BMP6: variants seen among roughly 807,000 people sequenced by gnomAD.
The protein encoded by BMP6 is VG-1-R.
Under a neutral mutation model 54.1 loss-of-function variants are expected in BMP6, and 17 were observed. That is an observed-to-expected ratio of 0.31 (90% CI 0.22 to 0.47). The LOEUF is 0.47. Ranked by LOEUF, BMP6 falls within the 20% of genes least tolerant of loss-of-function variation. BMP6 has a pLI of 1.00. For missense variants in BMP6, 720 were observed against 690.4 expected, an observed-to-expected ratio of 1.04 and a Z score of -0.48; for synonymous variants, 328 against 291.2, an observed-to-expected ratio of 1.13 and a Z score of -1.28.
At chr6:7,770,332 C>T (rs780837400) in intron 1 of BMP6, among the ~76,000 whole-genome samples, 1 of 152,094 alleles carries the variant, frequency 6.6e-6, no homozygotes, top group Non-Finnish European at 1.5e-5. Context: ...AATACTAGGT[C>T]CTGGTGGTTT....
chr6:7,727,703 G>A (rs1761767873), intron 1 of BMP6, 84 bp downstream of exon 1: 1 of 1,368,808 alleles, frequency 7.3e-7, no homozygotes, highest in South Asian at 1.7e-5. Context: ...AGGGGGTGGA[G>A]GAGCTCCCGG....
At chr6:7,796,977 T>C (rs949060114) in intron 1 of BMP6, among the ~76,000 whole-genome samples, 17 of 152,244 alleles carry the variant, frequency 1.1e-4, no homozygotes, top group African/African-American at 4.1e-4. Flanking sequence ...TTTCTGTTTC[T>C]CTTTGTCATG....
chr6:7,740,434 C>T (rs766546964), intron 1 of BMP6, among the ~76,000 whole-genome samples: 2 of 152,042 alleles, frequency 1.3e-5, no homozygotes, highest in Non-Finnish European at 2.9e-5. Context: ...CAAGTGCATT[C>T]GTAGAAAAAT....
chr6:7,842,394 C>T (rs1350697812), intron 1 of BMP6, among the ~76,000 whole-genome samples: 2 of 152,162 alleles, frequency 1.3e-5, no homozygotes, highest in East Asian at 3.9e-4. Context: ...CTCCCACCCA[C>T]CCCCATCTCT....
chr6:7,758,482 AT>A (rs1193848520), intron 1 of BMP6, among the ~76,000 whole-genome samples: 6 of 152,154 alleles, frequency 3.9e-5, no homozygotes, highest in Admixed American at 2.6e-4. Context: ...ACCTGACTAG[AT>A]TTGTGTTTGG....
chr6:7,809,625 T>G (rs1758406255), intron 1 of BMP6, among the ~76,000 whole-genome samples: 1 of 152,196 alleles, frequency 6.6e-6, no homozygotes. Context: ...CTCCTGACCA[T>G]TGACCACATT....
chr6:7,834,017 G>C (rs1182913189), intron 1 of BMP6, among the ~76,000 whole-genome samples: 1 of 152,098 alleles, frequency 6.6e-6, no homozygotes, highest in East Asian at 1.9e-4. Context: ...AAACATAAAA[G>C]TTGGGTTTCT....
At chr6:7,770,362 G>A (rs1390785952) in intron 1 of BMP6, among the ~76,000 whole-genome samples, 1 of 142,572 alleles carries the variant, frequency 7.0e-6, no homozygotes, top group Non-Finnish European at 1.6e-5. Context: ...AATAGTGAAA[G>A]AAAAATCCCT....
intron 1 of BMP6, among the ~76,000 whole-genome samples, chr6:7,751,738 A>C (rs748952378): frequency 5.3e-5 from 8 of 152,354 alleles, no homozygotes; most frequent in Non-Finnish European, 1.0e-4. Context: ...ATGAACTGGC[A>C]ATCAGAAGAT....
intron 1 of BMP6, among the ~76,000 whole-genome samples, chr6:7,758,550 A>G (rs1561761918): frequency 6.6e-6 from 1 of 152,218 alleles, no homozygotes; most frequent in Admixed American, 6.5e-5. Context: ...AACAAGATCA[A>G]CAAAACCCCT....
In BMP6 at chr6:7,779,416, T is replaced by G. The variant is rs147488633; in HGVS notation, c.664+51797T>G. Among the ~76,000 whole-genome samples, 926 of 152,206 alleles carry G rather than the reference T, an allele frequency of 6.1e-3. 7 individuals are homozygous for G. The highest frequency in any genetic ancestry group is 0.022 in the African/African-American group (894 of 41,530). ...TGCAGTGGTGTGATCTTGGCTCACT[T>G]CAACCTCCACCTCCCAGGTTCAAGT... is the stretch of plus-strand genomic sequence containing the variant. On this transcript the variant is annotated intron_variant, in intron 1 of 6. Transcript: ENST00000283147.
chr6:7,869,445 TG>T (rs1759484951), intron 4 of BMP6, among the ~76,000 whole-genome samples: 1 of 152,138 alleles, frequency 6.6e-6, no homozygotes, highest in African/African-American at 2.4e-5. Context: ...ACCCCTGCAT[TG>T]GGGGTATAGG....
chr6:7,868,885 C>T (rs1225039034), intron 4 of BMP6, among the ~76,000 whole-genome samples: 1 of 152,140 alleles, frequency 6.6e-6, no homozygotes, highest in East Asian at 1.9e-4. Context: ...TCCCTCCCCA[C>T]CTCTCTCCCT....
intron 1 of BMP6, among the ~76,000 whole-genome samples, chr6:7,754,945 C>T (rs1757490023): frequency 6.6e-6 from 1 of 152,166 alleles, no homozygotes; most frequent in Admixed American, 6.5e-5. Context: ...ATCTCCATCT[C>T]ATGACCTCGT....
At chr6:7,872,820 T>TC (rs1759550953) in intron 4 of BMP6, among the ~76,000 whole-genome samples, 3 of 150,946 alleles carry the variant, frequency 2.0e-5, no homozygotes, top group South Asian at 4.2e-4. Flanking sequence ...TTTTCTTTTT[T>TC]TTTTTTTTTT....
chr6:7,759,713 TTTTTTTTG>T (rs1361372918), intron 1 of BMP6, among the ~76,000 whole-genome samples: 11 of 136,492 alleles, frequency 8.1e-5, no homozygotes, highest in African/African-American at 2.9e-4. Flanking sequence ...TTTTTTTTTT[TTTTTTTTG>T]GAGACTGAAT....
At chr6:7,830,171 ACTCT>A (rs1001080777) in intron 1 of BMP6, among the ~76,000 whole-genome samples, 7 of 150,918 alleles carry the variant, frequency 4.6e-5, no homozygotes, top group African/African-American at 1.5e-4. Context: ...ATGTGAGCTC[ACTCT>A]CTCCTCTCTC....
At chr6:7,849,570 C>T (rs2113260266) in intron 2 of BMP6, among the ~76,000 whole-genome samples, 1 of 152,264 alleles carries the variant, frequency 6.6e-6, no homozygotes, top group Admixed American at 6.5e-5. Context: ...TGTTCTGTAG[C>T]ACCTTTATAT....
At chr6:7,745,452 T>C (rs1192738549) in intron 1 of BMP6, among the ~76,000 whole-genome samples, 1 of 152,222 alleles carries the variant, frequency 6.6e-6, no homozygotes, top group Non-Finnish European at 1.5e-5. Context: ...TCTTTTTTTG[T>C]AGACATGGGG....
Sources: gnomAD v4.1 joint callset for allele counts (sites outside exome capture counted in the v4.1 genomes callset) on GRCh38, gnomAD v4.1.1 for gene constraint, MANE v1.5 for transcripts, NCBI Gene and HGNC (gene_info 2026-07-23, HGNC 2026-07-21) for gene names.